Variants in SYNJ1 observed in about 807,000 individuals in gnomAD.
SYNJ1 encodes synaptojanin 1, also known as polyphosphatidylinositol phosphatase SYNJ1.
Under a neutral mutation model 168.2 loss-of-function variants are expected in SYNJ1, and 78 were observed. The observed-to-expected ratio is 0.46, with a 90% CI of 0.39 to 0.56. The LOEUF (loss-of-function observed/expected upper bound fraction) is 0.56, where lower values mean the gene tolerates loss of function less well. Ranked by LOEUF, SYNJ1 falls within the 20% of genes least tolerant of loss-of-function variation. The pLI is 0.00. For synonymous variants in SYNJ1, 539 were observed against 548.6 expected (o/e 0.98, Z 0.24); for missense variants, 1,303 against 1,597.6 (o/e 0.82, Z 3.14).
chr21:32,728,317 T>C (rs1004698655), upstream of SYNJ1: 13 of 396,754 alleles, frequency 3.3e-5, no homozygotes, highest in Middle Eastern at 6.6e-4. Context: ...GGAGAAAAGC[T>C]TGGGGGGCTG....
chr21:32,701,119 A>T (rs1342512528), intron 3 of SYNJ1, among the ~76,000 whole-genome samples: 3 of 152,208 alleles, frequency 2.0e-5, no homozygotes, highest in Non-Finnish European at 4.4e-5. Flanking sequence ...ATTAAAGCAA[A>T]TACCTCATTA....
At chr21:32,687,351 A>G (rs2041870960) in intron 7 of SYNJ1, among the ~76,000 whole-genome samples, 1 of 152,206 alleles carries the variant, frequency 6.6e-6, no homozygotes. Context: ...GCACCAGACA[A>G]GACAGACACC....
chr21:32,632,564 T>C (rs1353839212), intron 32 of SYNJ1, among the ~76,000 whole-genome samples: 1 of 152,100 alleles, frequency 6.6e-6, no homozygotes, highest in Non-Finnish European at 1.5e-5. Flanking sequence ...TTTTTGTATT[T>C]TAGTACAGAT....
chr21:32,702,575 G>GA (rs572875883), intron 2 of SYNJ1, among the ~76,000 whole-genome samples: 105 of 152,192 alleles, frequency 6.9e-4, no homozygotes, highest in African/African-American at 1.7e-3. Context: ...AAACGTTAAA[G>GA]AAAAAACCTT....
chr21:32,728,099 G>A, upstream of SYNJ1: 2 of 1,500,922 alleles, frequency 1.3e-6, no homozygotes, highest in Non-Finnish European at 1.8e-6. Context: ...GGGGCATCAG[G>A]AGGGAGACCA....
rs1274453074 is a variant in SYNJ1, at chr21:32,629,416, GAGA to G, written c.*2386_*2388del. 2 of 152,750 alleles carry G rather than the reference GAGA, an allele frequency of 1.3e-5. No homozygotes were observed. The highest frequency in any genetic ancestry group is 2.4e-5 in the African/African-American group (1 of 41,574). 9.5% of individuals were successfully genotyped at this position (152,750 alleles called of 1,614,324 possible). ...TAACAGCAAATCTTGGCTGTTAACAGAGAAGATTACTTCTATAAATATAGTATT... is the reference window on the plus strand; with the variant it reads ...TAACAGCAAATCTTGGCTGTTAACAGAGATTACTTCTATAAATATAGTATT... On this transcript the variant is annotated 3_prime_UTR_variant, in exon 33 of 33. Transcript: ENST00000674351.
chr21:32,663,956 G>GA (rs1178732797), intron 18 of SYNJ1, among the ~76,000 whole-genome samples: 8 of 152,356 alleles, frequency 5.3e-5, no homozygotes, highest in African/African-American at 1.9e-4. Context: ...TGAAGGGCAA[G>GA]TAGTTGAAGA....
rs529762732 is a variant in SYNJ1 at position 32,727,357 on chromosome 21, G to A, written c.-22-440C>T. On this transcript the variant is annotated intron_variant, in intron 1 of 32. Transcript: ENST00000674351. ...GGAGGTGGGAGGGAAGGGTGACAAG[G>A]CTGGTTCAAAGCTCCTTAGGGGGCA... 5.3e-5 allele frequency among the ~76,000 whole-genome samples: 8 copies of A among 152,280 alleles called. No homozygotes were observed. In the South Asian group the frequency reaches 1.7e-3, roughly 32 times the overall value.
chr21:32,728,062 A>T (rs2122964150), upstream of SYNJ1: 2 of 1,524,438 alleles, frequency 1.3e-6, no homozygotes, highest in African/African-American at 2.8e-5. Flanking sequence ...CGGGGGCGGA[A>T]GATCCGCCCC....
At position 32,644,833 on chromosome 21, in the gene SYNJ1, T is replaced by C. The variant is rs907607976; in HGVS notation, c.3430+135A>G. On this transcript the variant is annotated intron_variant, in intron 26 of 32. Transcript: ENST00000674351. ...CTACCTGGGAAATGAAAGCCTTTAT[T>C]AGTTTTATTTGTGGATTAGTTTTAA... 1.1e-5 allele frequency: 11 copies of C among 965,766 alleles called. No individual in the cohort carries two copies. The African/African-American group carries it at 1.9e-4, about 17-fold the overall frequency. The allele number at this position is 965,766 out of a possible 1,614,324, so 59.8% of individuals were successfully genotyped here.
chr21:32,667,476 C>T (rs2040984658), intron 15 of SYNJ1, among the ~76,000 whole-genome samples: 1 of 151,982 alleles, frequency 6.6e-6, no homozygotes, highest in South Asian at 2.1e-4. Flanking sequence ...CTTAAAGTTC[C>T]CCATTTATTA....
chr21:32,659,166 T>C (rs1431351088), intron 18 of SYNJ1, among the ~76,000 whole-genome samples: 1 of 150,688 alleles, frequency 6.6e-6, no homozygotes, highest in Non-Finnish European at 1.5e-5. Flanking sequence ...GTTTCAAAAG[T>C]CAGATGACAT....
chr21:32,723,101 TAAC>T (rs2146398728), intron 2 of SYNJ1, among the ~76,000 whole-genome samples: 1 of 152,374 alleles, frequency 6.6e-6, no homozygotes, highest in East Asian at 1.9e-4. Flanking sequence ...GATAATGTCA[TAAC>T]ATCATGACTG....
Position 32,649,780 on chromosome 21 carries a change from C to T in SYNJ1, c.3037+404G>A, listed in dbSNP as rs188502831. On this transcript the variant is annotated intron_variant, in intron 23 of 32. Coordinates refer to ENST00000674351, the MANE Select transcript of SYNJ1 (RefSeq NM_203446.3). ...GTTTTGTTTTGTTTTGAGACAGCCT[C>T]GCTCTGTTGCCCAGGCTGGAGTGCA... 3.3e-5 allele frequency among the ~76,000 whole-genome samples: 5 copies of T among 152,258 alleles called. No individual in the cohort carries two copies. The East Asian group carries it at 5.8e-4, about 18-fold the overall frequency.
At chr21:32,679,212 TTAACTGCCCC>T (rs1231800293) in intron 11 of SYNJ1, among the ~76,000 whole-genome samples, 1 of 152,184 alleles carries the variant, frequency 6.6e-6, no homozygotes, top group African/African-American at 2.4e-5. Flanking sequence ...TACACTGAGC[TTAACTGCCCC>T]TAGAAAAACT....
chr21:32,643,489 G>C lies in SYNJ1; in HGVS notation c.3431-32C>G, dbSNP rs753076368. 15 of 1,605,654 alleles carry C rather than the reference G, an allele frequency of 9.3e-6. No homozygotes were observed. In the African/African-American group the frequency reaches 2.0e-4, roughly 22 times the overall value. The stretch of plus-strand genomic sequence containing the variant: ...AGAGAAAGAACAGAAACTATATATT[G>C]TTCAGGGCCCACAGCACAGAATGAA... On this transcript the variant is annotated intron_variant, in intron 26 of 32. Transcript: ENST00000674351.
intron 2 of SYNJ1, among the ~76,000 whole-genome samples, chr21:32,720,540 A>AT (rs1053074575): frequency 2.0e-5 from 3 of 152,244 alleles, no homozygotes; most frequent in African/African-American, 7.2e-5. Context: ...AAAGAATCTC[A>AT]TAAGGACAAC....
rs151061889 is a variant in SYNJ1, at chr21:32,707,709, A to G, written c.125-5662T>C. Among the ~76,000 whole-genome samples, 60 of 152,312 alleles carry G rather than the reference A, an allele frequency of 3.9e-4. 1 individual carries two copies. The highest frequency in any genetic ancestry group is 1.3e-3 in the African/African-American group (56 of 41,572). On this transcript the variant is annotated intron_variant, in intron 2 of 32. Transcript: ENST00000674351. ...ATGGAACACTGCAATTGCTGATTAA[A>G]TGTTCATCTAATAGACAAAAACAAA...
At chr21:32,653,707 T>C (rs2040358851) in intron 21 of SYNJ1, 1 of 194,200 alleles carries the variant, frequency 5.1e-6, no homozygotes, top group Non-Finnish European at 1.1e-5. Context: ...AGTGACTCTA[T>C]AAGGAGAATA....
Sources: gnomAD v4.1 joint callset for allele counts (sites outside exome capture counted in the v4.1 genomes callset) on GRCh38, gnomAD v4.1.1 for gene constraint, MANE v1.5 for transcripts, NCBI Gene and HGNC (gene_info 2026-07-23, HGNC 2026-07-21) for gene names.